UNC13C: variants seen among roughly 807,000 people sequenced by gnomAD.
UNC13C encodes the protein protein unc-13 homolog C.
A neutral mutation model predicts 245.4 loss-of-function variants in UNC13C; 174 were observed. That is an observed-to-expected ratio of 0.71 (90% confidence interval 0.63 to 0.80). UNC13C has a LOEUF of 0.80. UNC13C is among the 30% of genes least tolerant of loss of function. The pLI is 0.00. For missense variants in UNC13C, 2,829 were observed against 2,602.9 expected, an observed-to-expected ratio of 1.09 and a Z score of -1.89; for synonymous variants, 992 against 895.1, an observed-to-expected ratio of 1.11 and a Z score of -1.93.
chr15:53,986,626 T>C (rs1423446797), intron 1 of UNC13C, among the ~76,000 whole-genome samples: 1 of 152,066 alleles, frequency 6.6e-6, no homozygotes, highest in Non-Finnish European at 1.5e-5. Flanking sequence ...AATTATACAG[T>C]ACCAAGAAAG....
At position 54,332,034 on chromosome 15, in the gene UNC13C, T is replaced by A. The variant is rs1407302462; in HGVS notation, c.4426-9T>A. ...TTCCATTCTCCTATTTTGTGTTTGC[T>A]TTGTACAGAGGGAAAAATTCATAAA... On this transcript the variant is annotated splice_polypyrimidine_tract_variant and intron_variant, in intron 14 of 32. Transcript: ENST00000260323. The A allele has an allele frequency of 7.7e-6, 12 of 1,566,100 alleles. No homozygotes were observed. The highest frequency in any genetic ancestry group is 3.8e-5 in the Admixed American group (2 of 53,056).
At chr15:54,051,343 C>G (rs1353930639) in intron 2 of UNC13C, among the ~76,000 whole-genome samples, 1 of 152,066 alleles carries the variant, frequency 6.6e-6, no homozygotes, top group Non-Finnish European at 1.5e-5. Context: ...TATAGAGTGT[C>G]TTGACACTCA....
intron 20 of UNC13C, among the ~76,000 whole-genome samples, chr15:54,499,346 C>G (rs76898917): frequency 0.015 from 2,209 of 152,146 alleles, 57 homozygotes; most frequent in African/African-American, 0.05. Context: ...AAAGCACCTC[C>G]TACCAGGCCC....
intron 18 of UNC13C, among the ~76,000 whole-genome samples, chr15:54,410,508 A>G (rs1016567380): frequency 6.6e-6 from 1 of 151,726 alleles, no homozygotes; most frequent in Non-Finnish European, 1.5e-5. Context: ...CCAGTTTTAC[A>G]TTGTCTTTAA....
At chr15:53,860,251 G>A in the UNC13C span, among the ~76,000 whole-genome samples, 1,798 of 124,304 alleles carry the variant, frequency 0.014, 32 homozygotes, top group African/African-American at 0.048. Context: ...ATGATATCAT[G>A]TGATAACTCA....
intron 18 of UNC13C, among the ~76,000 whole-genome samples, chr15:54,403,270 T>C (rs1381497377): frequency 6.6e-6 from 1 of 152,144 alleles, no homozygotes; most frequent in Non-Finnish European, 1.5e-5. Flanking sequence ...AACTTAGAGC[T>C]GGGCTCATGC....
intron 28 of UNC13C, among the ~76,000 whole-genome samples, chr15:54,554,324 G>A (rs760268277): frequency 2.0e-4 from 30 of 151,998 alleles, no homozygotes; most frequent in Non-Finnish European, 3.4e-4. Context: ...CACTGGGTGT[G>A]ATTGCGTGGT....
rs542594019 is a variant in UNC13C at position 54,059,864 on chromosome 15, G to A, written c.2983+43978G>A. Among the ~76,000 whole-genome samples the A allele has an allele frequency of 6.7e-4, 102 of 152,242 alleles. 4 individuals carry two copies. The South Asian group carries it at 0.021, about 31-fold the overall frequency. On this transcript the variant is annotated intron_variant, in intron 2 of 32. Coordinates refer to ENST00000260323, the MANE Select transcript of UNC13C (RefSeq NM_001080534.3). The stretch of plus-strand genomic sequence containing the variant: ...CAAACCTGACAAAAACAAGCAATGG[G>A]GAAAGGATTCCCTATTTAATAAATG...
In UNC13C at chr15:54,623,269, T is replaced by C. The variant is rs142155796; in HGVS notation, c.6200-526T>C. On this transcript the variant is annotated intron_variant, in intron 31 of 32. Coordinates refer to ENST00000260323, the MANE Select transcript of UNC13C (RefSeq NM_001080534.3). ...GTGACTGGCTAAATATAGGATGAAA[T>C]AGCCACAGAGCAAAATATTATTAGC... is the stretch of plus-strand genomic sequence containing the variant. Among the ~76,000 whole-genome samples, 329 of 152,096 alleles carry C rather than the reference T, an allele frequency of 2.2e-3. 2 individuals carry two copies. The highest frequency in any genetic ancestry group is 7.7e-3 in the African/African-American group (320 of 41,494).
chr15:54,289,190 A>G (rs1200230230), intron 10 of UNC13C, among the ~76,000 whole-genome samples: 2 of 152,056 alleles, frequency 1.3e-5, no homozygotes, highest in Non-Finnish European at 2.9e-5. Flanking sequence ...TCTTTTGAAC[A>G]TGGCTGCTCT....
the UNC13C span, chr15:53,913,346 G>A: frequency 6.6e-6 from 1 of 152,242 alleles, no homozygotes; most frequent in Non-Finnish European, 1.5e-5. Flanking sequence ...CTATGGCAGT[G>A]CATGAGTGCC....
At position 54,269,241 on chromosome 15, in the gene UNC13C, A is replaced by G. The variant is rs201220921; in HGVS notation, c.3818+3745A>G. Among the ~76,000 whole-genome samples the G allele has an allele frequency of 1.1e-4, 16 of 152,040 alleles. No individual in the cohort carries two copies. The East Asian group carries it at 2.7e-3, about 26-fold the overall frequency. ...TTCTCTCTCTCAGGGATCACTGTTC[A>G]TCACTGACATATCTCCATTATATTG... On this transcript the variant is annotated intron_variant, in intron 10 of 32. Transcript: ENST00000260323.
intron 30 of UNC13C, among the ~76,000 whole-genome samples, chr15:54,615,362 A>G (rs1566940913): frequency 6.6e-6 from 1 of 151,932 alleles, no homozygotes; most frequent in Admixed American, 6.6e-5. Context: ...GGCTGTGGGG[A>G]TGCATAGTCC....
chr15:53,925,484 G>A, the UNC13C span, among the ~76,000 whole-genome samples: 3 of 152,082 alleles, frequency 2.0e-5, no homozygotes, highest in African/African-American at 7.2e-5. Flanking sequence ...GGACTTCTGA[G>A]GTGAGAAAAA....
chr15:54,598,850 G>A (rs1376685917), intron 30 of UNC13C, among the ~76,000 whole-genome samples: 1 of 152,086 alleles, frequency 6.6e-6, no homozygotes, highest in Non-Finnish European at 1.5e-5. Flanking sequence ...ATTGTACTGA[G>A]GCACAAATAC....
chr15:53,941,667 A>G, the UNC13C span, among the ~76,000 whole-genome samples: 1 of 152,192 alleles, frequency 6.6e-6, no homozygotes, highest in Non-Finnish European at 1.5e-5. Flanking sequence ...TATCCATCTG[A>G]CAAAGGTCTA....
chr15:54,589,289 CTTTTTTTTTTTTTT>C (rs71105821), intron 30 of UNC13C, among the ~76,000 whole-genome samples: 4 of 53,486 alleles, frequency 7.5e-5, no homozygotes, highest in Non-Finnish European at 1.0e-4. Flanking sequence ...TCTTCTTCTT[CTTTTTTTTTTTTTT>C]TTTTTTTTTT....
intron 2 of UNC13C, among the ~76,000 whole-genome samples, chr15:54,042,189 C>T (rs1442304722): frequency 6.6e-6 from 1 of 152,130 alleles, no homozygotes; most frequent in African/African-American, 2.4e-5. Flanking sequence ...TATAAAATAT[C>T]ACAATACTTC....
the UNC13C span, among the ~76,000 whole-genome samples, chr15:53,850,872 T>A: frequency 6.8e-6 from 1 of 146,836 alleles, no homozygotes; most frequent in African/African-American, 2.5e-5. Context: ...TTTTCCAACC[T>A]TTTTTTTTTT....
Sources: allele counts gnomAD v4.1 joint callset (sites outside exome capture counted in the v4.1 genomes callset), GRCh38; gene constraint gnomAD v4.1.1; transcripts MANE v1.5; gene names NCBI Gene and HGNC (gene_info 2026-07-23, HGNC 2026-07-21).